DAB1: variants seen among roughly 807,000 people sequenced by gnomAD.
The protein encoded by DAB1 is DAB adaptor protein 1.
A neutral mutation model predicts 64.6 loss-of-function variants in DAB1; 15 were observed. That is an observed-to-expected ratio of 0.23 (90% CI 0.16 to 0.36). The LOEUF (loss-of-function observed/expected upper bound fraction) is 0.36. Among genes scored for constraint, DAB1 ranks in the 10% least tolerant of loss-of-function variants. DAB1 has a pLI of 1.00. For synonymous variants in DAB1, 235 were observed against 251.9 expected (o/e 0.93, Z 0.64); for missense variants, 596 against 706.7 (o/e 0.84, Z 1.78).
At chr1:58,157,235 T>C (rs188245386) in intron 4 of DAB1, among the ~76,000 whole-genome samples, 32 of 152,338 alleles carry the variant, frequency 2.1e-4, no homozygotes, top group Non-Finnish European at 3.4e-4. Context: ...GCAATCTTCA[T>C]TGAAATTGTA....
intron 7 of DAB1, among the ~76,000 whole-genome samples, chr1:57,508,896 T>C (rs533675533): frequency 1.3e-5 from 2 of 152,014 alleles, no homozygotes; most frequent in African/African-American, 2.4e-5. Flanking sequence ...CATTTATATA[T>C]ACTTATAAAA....
At chr1:57,468,243 G>T (rs1687020968) in intron 7 of DAB1, among the ~76,000 whole-genome samples, 1 of 152,118 alleles carries the variant, frequency 6.6e-6, no homozygotes, top group Non-Finnish European at 1.5e-5. Flanking sequence ...GAAGGAGAAA[G>T]GGCATTGTAG....
chr1:57,114,460 G>A (rs1220671864), intron 4 of DAB1, among the ~76,000 whole-genome samples: 2 of 152,010 alleles, frequency 1.3e-5, no homozygotes, highest in Non-Finnish European at 2.9e-5. Context: ...TTCCATTTAT[G>A]TTAAGAAGAA....
chr1:58,380,317 C>T (rs1644375195), intron 3 of DAB1, among the ~76,000 whole-genome samples: 2 of 152,222 alleles, frequency 1.3e-5, no homozygotes, highest in African/African-American at 2.4e-5. Flanking sequence ...TGCTCTCTCT[C>T]TCTCACCTGC....
intron 5 of DAB1, chr1:58,056,467 C>T: frequency 4.1e-6 from 6 of 1,460,716 alleles, no homozygotes; most frequent in Non-Finnish European, 4.7e-6. Context: ...ATTGTTCCTT[C>T]TTTTCTTTGT....
intron 4 of DAB1, among the ~76,000 whole-genome samples, chr1:58,164,204 A>T (rs2100754232): frequency 6.6e-6 from 1 of 151,536 alleles, no homozygotes; most frequent in East Asian, 1.9e-4. Flanking sequence ...AAAAAAAAAA[A>T]AAAAAAGATG....
chr1:57,663,479 C>T (rs1345395368), intron 6 of DAB1, among the ~76,000 whole-genome samples: 2 of 152,174 alleles, frequency 1.3e-5, no homozygotes, highest in Non-Finnish European at 2.9e-5. Flanking sequence ...CTCAGATCAT[C>T]ACTTTTTCTA....
chr1:57,441,528 T>C (rs529718113), intron 7 of DAB1, among the ~76,000 whole-genome samples: 1 of 151,906 alleles, frequency 6.6e-6, no homozygotes, highest in Non-Finnish European at 1.5e-5. Flanking sequence ...CTAATTTTTG[T>C]ATTTTTGTAG....
intron 2 of DAB1, among the ~76,000 whole-genome samples, chr1:57,259,619 C>G (rs1246914849): frequency 1.3e-5 from 2 of 152,164 alleles, no homozygotes; most frequent in Non-Finnish European, 2.9e-5. Flanking sequence ...ACGTGAGATG[C>G]TGCAAAACAC....
intron 4 of DAB1, among the ~76,000 whole-genome samples, chr1:58,262,543 C>G (rs559482474): frequency 4.7e-4 from 71 of 152,186 alleles, no homozygotes; most frequent in South Asian, 4.1e-4. Flanking sequence ...TGAGATTTCA[C>G]CACTACACTC....
chr1:57,344,703 T>G (rs964401079), intron 1 of DAB1, among the ~76,000 whole-genome samples: 2 of 152,038 alleles, frequency 1.3e-5, no homozygotes, highest in Non-Finnish European at 2.9e-5. Flanking sequence ...TCTGTTAAGA[T>G]GGAGTTCCCT....
intron 5 of DAB1, among the ~76,000 whole-genome samples, chr1:58,146,978 G>A (rs903663932): frequency 2.0e-5 from 3 of 152,060 alleles, no homozygotes; most frequent in Non-Finnish European, 2.9e-5. Context: ...GTAGAGAGAC[G>A]GGAACCCTTG....
In DAB1 at chr1:57,045,598, T is replaced by C. The variant is rs1396384864; in HGVS notation, c.723+17286A>G. Among the ~76,000 whole-genome samples the C allele has an allele frequency of 2.0e-5, 3 of 152,114 alleles. No individual in the cohort carries two copies. The East Asian group carries it at 5.8e-4, about 29-fold the overall frequency. Reference sequence around the variant, plus strand: ...CTGTAATCCCAGCTACTTGGGAGACTGAGGCAGGAGAATCACTTGAACCTG... The same window carrying C: ...CTGTAATCCCAGCTACTTGGGAGACCGAGGCAGGAGAATCACTTGAACCTG... On this transcript the variant is annotated intron_variant, in intron 9 of 14. Transcript: ENST00000371236.
intron 6 of DAB1, among the ~76,000 whole-genome samples, chr1:57,658,061 T>C (rs1031739795): frequency 1.3e-5 from 2 of 152,088 alleles, no homozygotes; most frequent in African/African-American, 4.8e-5. Context: ...GTCAAATGAG[T>C]ACAGAGAAGT....
intron 6 of DAB1, among the ~76,000 whole-genome samples, chr1:57,663,199 G>C (rs952024567): frequency 6.6e-6 from 1 of 152,114 alleles, no homozygotes; most frequent in Non-Finnish European, 1.5e-5. Flanking sequence ...AGAGAGAAGG[G>C]GGAGGTGCCA....
At chr1:58,532,132 C>A (rs1646443521) in intron 1 of DAB1, among the ~76,000 whole-genome samples, 1 of 152,144 alleles carries the variant, frequency 6.6e-6, no homozygotes, top group Non-Finnish European at 1.5e-5. Context: ...TGGAAATACA[C>A]ACACAAAAAC....
chr1:58,016,868 T>C (rs1476499173), intron 5 of DAB1, among the ~76,000 whole-genome samples: 2 of 152,188 alleles, frequency 1.3e-5, no homozygotes. Context: ...TGACGTACAA[T>C]AGATAACACT....
intron 3 of DAB1, among the ~76,000 whole-genome samples, chr1:58,465,157 G>A (rs1645281855): frequency 6.6e-6 from 1 of 152,164 alleles, no homozygotes; most frequent in Non-Finnish European, 1.5e-5. Flanking sequence ...GTCCATCAGA[G>A]ACTCGCATGA....
intron 6 of DAB1, among the ~76,000 whole-genome samples, chr1:57,753,235 G>A (rs1197899828): frequency 6.6e-6 from 1 of 152,164 alleles, no homozygotes; most frequent in Non-Finnish European, 1.5e-5. Context: ...TACAAATGTG[G>A]CTGACTGCCT....
Sources: allele counts gnomAD v4.1 joint callset (sites outside exome capture counted in the v4.1 genomes callset), GRCh38; gene constraint gnomAD v4.1.1; transcripts MANE v1.5; gene names NCBI Gene and HGNC (gene_info 2026-07-23, HGNC 2026-07-21).